The following NAA40 variants were observed in gnomAD, a reference collection of about 807,000 sequenced individuals.
NAA40 encodes N-alpha-acetyltransferase 40.
NAA40 carries 26 observed loss-of-function variants against 36.6 expected under a neutral mutation model. The ratio of observed to expected loss-of-function variants is 0.71; its 90% CI spans 0.52 to 0.98. The LOEUF is 0.98. Among genes scored for constraint, NAA40 ranks in the 50% least tolerant of loss-of-function variants. The pLI is 0.00. For missense variants in NAA40, 237 were observed against 306.5 expected (o/e 0.77, Z 1.69); for synonymous variants, 129 against 108.4 (o/e 1.19, Z -1.18).
intron 2 of NAA40, 49 bp downstream of exon 2, chr11:63,945,984 G>A (rs1046204349): frequency 1.9e-6 from 3 of 1,552,758 alleles, no homozygotes; most frequent in Non-Finnish European, 1.8e-6. Flanking sequence ...CTTCAGCTTG[G>A]TTTATAATTT....
chr11:63,945,046 A>G (rs1014792429), intron 1 of NAA40, among the ~76,000 whole-genome samples: 2 of 152,242 alleles, frequency 1.3e-5, no homozygotes, highest in African/African-American at 2.4e-5. Flanking sequence ...CGTCGGCCTC[A>G]AAACAGGACC....
intron 1 of NAA40, among the ~76,000 whole-genome samples, chr11:63,945,528 T>G (rs984925191): frequency 6.6e-6 from 1 of 152,178 alleles, no homozygotes; most frequent in African/African-American, 2.4e-5. Context: ...GAATATTTAC[T>G]AAGTGCCTGC....
intron 1 of NAA40, among the ~76,000 whole-genome samples, chr11:63,939,958 C>T (rs1279370179): frequency 1.3e-5 from 2 of 150,730 alleles, no homozygotes; most frequent in Non-Finnish European, 2.9e-5. Context: ...AGTTTCTGTG[C>T]GTTCACCTTA....
chr11:63,947,033 G>A (rs1248062252), intron 3 of NAA40, 30 bp downstream of exon 3: 4 of 1,593,210 alleles, frequency 2.5e-6, no homozygotes. Flanking sequence ...ACCAACTGCT[G>A]TCTCCTCGAG....
Position 63,939,018 on chromosome 11 carries a change from C to G in NAA40, c.-79C>G. 1 of 1,495,496 alleles carries G rather than the reference C, an allele frequency of 6.7e-7. No homozygotes were observed. The highest frequency in any genetic ancestry group is 9.2e-7 in the Non-Finnish European group (1 of 1,089,988). The allele number at this position is 1,495,496 out of a possible 1,614,324, so 92.6% of individuals were successfully genotyped here. A position where few individuals can be genotyped will look rare whatever the true frequency, so the allele number is the denominator to read the frequency against. ...TGCAGGGCCGTCCGCTCTGCTGCCG[C>G]CGCTGTTGCAGCCACCGCCGTTGCC... is the stretch of plus-strand genomic sequence containing the variant. On this transcript the variant is annotated 5_prime_UTR_variant, in exon 1 of 8. Transcript: ENST00000377793.
intron 3 of NAA40, among the ~76,000 whole-genome samples, chr11:63,947,363 C>T (rs12797540): frequency 0.28 from 41,761 of 151,634 alleles, 7,374 homozygotes; most frequent in Non-Finnish European, 0.39. Flanking sequence ...GCCGAGATAG[C>T]ACCATTGCAC....
At chr11:63,939,372 G>A (rs1942069514) in intron 1 of NAA40, 1 of 1,209,894 alleles carries the variant, frequency 8.3e-7, no homozygotes, top group Non-Finnish European at 1.0e-6. Context: ...ACCCGTTACT[G>A]GCCTCCCCAC....
rs1020897496 is a variant in NAA40 at position 63,957,243 on chromosome 11, C to T, written c.*2764C>T. ...TTTTTTCTTTAGCAGCTTGTTATCA[C>T]TGGAATCAAAGGGAAAAAGTGATCT... On this transcript the variant is annotated 3_prime_UTR_variant, in exon 8 of 8. Coordinates refer to ENST00000377793, the MANE Select transcript of NAA40 (RefSeq NM_024771.4). The T allele has an allele frequency of 6.9e-6, 1 of 145,466 alleles. No homozygotes were observed. The highest frequency in any genetic ancestry group is 1.5e-5 in the Non-Finnish European group (1 of 67,258). 9.0% of individuals were successfully genotyped at this position (145,466 alleles called of 1,614,324 possible). A position where few individuals can be genotyped will look rare whatever the true frequency, so the allele number is the denominator to read the frequency against.
intron 2 of NAA40, chr11:63,946,446 T>C: frequency 1.2e-6 from 1 of 858,648 alleles, no homozygotes; most frequent in South Asian, 3.1e-5. Context: ...CCCAAGCATT[T>C]CACCTGCCTT....
intron 1 of NAA40, chr11:63,939,386 C>A: frequency 8.3e-7 from 1 of 1,207,618 alleles, no homozygotes; most frequent in Non-Finnish European, 1.0e-6. Context: ...TCCCCACCAC[C>A]GTCCCCCGCG....
intron 3 of NAA40, among the ~76,000 whole-genome samples, chr11:63,950,182 G>A (rs1206151663): frequency 2.1e-4 from 31 of 146,542 alleles, no homozygotes; most frequent in African/African-American, 8.0e-4. Context: ...GCAGTGGCAC[G>A]ATCTCGGCTC....
At chr11:63,944,427 G>A (rs1329287956) in intron 1 of NAA40, among the ~76,000 whole-genome samples, 1 of 152,120 alleles carries the variant, frequency 6.6e-6, no homozygotes, top group East Asian at 1.9e-4. Context: ...GGACCAGCTG[G>A]GTGGTGCATG....
chr11:63,954,090 C>T (rs1206075157), intron 7 of NAA40, 41 bp downstream of exon 7: 1 of 1,599,708 alleles, frequency 6.3e-7, no homozygotes, highest in Non-Finnish European at 8.6e-7. Flanking sequence ...GGTAGGTGGG[C>T]CTGCCCAGGG....
intron 2 of NAA40, chr11:63,946,748 G>T: frequency 6.5e-7 from 1 of 1,530,442 alleles, no homozygotes; most frequent in African/African-American, 1.4e-5. Context: ...TAACTCTCCT[G>T]GGCCTTTCCA....
At chr11:63,947,848 A>G (rs1942213875) in intron 3 of NAA40, among the ~76,000 whole-genome samples, 1 of 151,366 alleles carries the variant, frequency 6.6e-6, no homozygotes, top group Non-Finnish European at 1.5e-5. Context: ...CAGCCTCTCA[A>G]ATAGCTAGGA....
In NAA40 at chr11:63,954,506, ATGCTCTC is replaced by A; in HGVS notation, c.*29_*35del. 6.3e-7 allele frequency: 1 copy of A among 1,577,416 alleles called. No homozygotes were observed. The highest frequency in any genetic ancestry group is 8.6e-7 in the Non-Finnish European group (1 of 1,163,144). On this transcript the variant is annotated 3_prime_UTR_variant, in exon 8 of 8. Coordinates refer to ENST00000377793, the MANE Select transcript of NAA40 (RefSeq NM_024771.4). ...CTCTCAGAGCCACTTTCAAGTCACA[ATGCTCTC>A]TCCTAAGGCCTTTCCTCTTTCCTGG...
At position 63,947,700 on chromosome 11, in the gene NAA40, G is replaced by A. The variant is rs1942210335; in HGVS notation, c.155+697G>A. Among the ~76,000 whole-genome samples the A allele has an allele frequency of 3.5e-5, 5 of 144,312 alleles. No homozygotes were observed. In the South Asian group the frequency reaches 1.1e-3, roughly 32 times the overall value. The allele number at this position is 144,312 out of a possible 152,430, so 94.7% of individuals were successfully genotyped here. Reference sequence around the variant, plus strand: ...CAAGTACCTGGGATTATAGGTGCGTGCCACCACACCTCACTAATTTTTGTG... The same window carrying A: ...CAAGTACCTGGGATTATAGGTGCGTACCACCACACCTCACTAATTTTTGTG... On this transcript the variant is annotated intron_variant, in intron 3 of 7. Transcript: ENST00000377793.
chr11:63,952,923 GT>G, intron 6 of NAA40, 84 bp downstream of exon 6: 1 of 1,213,636 alleles, frequency 8.2e-7, no homozygotes. Flanking sequence ...TTTGAGCCTT[GT>G]TGGAGGAGGA....
intron 3 of NAA40, among the ~76,000 whole-genome samples, chr11:63,951,310 A>G (rs1490223458): frequency 2.0e-5 from 3 of 152,176 alleles, no homozygotes; most frequent in South Asian, 2.1e-4. Context: ...GGGTTTAGAA[A>G]AACAGTGTTG....
Sources: allele counts gnomAD v4.1 joint callset (sites outside exome capture counted in the v4.1 genomes callset), GRCh38; gene constraint gnomAD v4.1.1; transcripts MANE v1.5; gene names NCBI Gene and HGNC (gene_info 2026-07-23, HGNC 2026-07-21).